Variants in PPM1D observed in about 807,000 individuals in gnomAD.
The protein encoded by PPM1D is protein phosphatase, Mg2+/Mn2+ dependent 1D.
Under a neutral mutation model 58.3 loss-of-function variants are expected in PPM1D, and 52 were observed. The ratio of observed to expected loss-of-function variants is 0.89; its 90% CI spans 0.71 to 1.12. The LOEUF (loss-of-function observed/expected upper bound fraction) is 1.12. PPM1D is among the 50% of genes most tolerant of loss of function. The pLI, the probability that PPM1D is intolerant of heterozygous loss-of-function variation, is 0.00. For missense variants in PPM1D, 564 were observed against 777.2 expected, an observed-to-expected ratio of 0.73 and a Z score of 3.26; for synonymous variants, 278 against 285.1, an observed-to-expected ratio of 0.98 and a Z score of 0.25.
intron 1 of PPM1D, among the ~76,000 whole-genome samples, chr17:60,608,394 G>A (rs1331196089): frequency 1.3e-5 from 2 of 152,154 alleles, no homozygotes; most frequent in African/African-American, 4.8e-5. Flanking sequence ...GGGCATGGTG[G>A]CTCACGCCTG....
At chr17:60,647,655 A>G (rs528165127) in intron 3 of PPM1D, among the ~76,000 whole-genome samples, 1 of 152,322 alleles carries the variant, frequency 6.6e-6, no homozygotes, top group African/African-American at 2.4e-5. Flanking sequence ...TACTTTTAAC[A>G]TTTTACCTTT....
chr17:60,643,118 GCCTGTAAT>G (rs2031169863), intron 3 of PPM1D, among the ~76,000 whole-genome samples: 1 of 151,598 alleles, frequency 6.6e-6, no homozygotes, highest in African/African-American at 2.4e-5. Flanking sequence ...AATCCCAGCA[GCCTGTAAT>G]CCTAGCACTT....
At chr17:60,636,389 G>A (rs1223124743) in intron 3 of PPM1D, among the ~76,000 whole-genome samples, 2 of 152,206 alleles carry the variant, frequency 1.3e-5, no homozygotes, top group Non-Finnish European at 2.9e-5. Context: ...ATTCAGCAGT[G>A]AATGAAACAA....
In PPM1D at chr17:60,600,515, C is replaced by T. The variant is rs1217818543; in HGVS notation, c.101C>T (p.Thr34Met). 3 of 1,565,904 alleles carry T rather than the reference C, an allele frequency of 1.9e-6. No individual in the cohort carries two copies. Among genetic ancestry groups the T allele is most frequent in the Non-Finnish European group, 2.6e-6 (3 of 1,155,574 alleles). The stretch of plus-strand genomic sequence containing the variant: ...CAAATCGTTGTGGAGCCCGAACCGA[C>T]GGCTGAAGAAAAGCCCTCGCCGCGG... ...VTQIVVEPEP[T>M]AEEKPSPRRS... Residue 34 changes from threonine to methionine, a missense_variant, in exon 1 of 6, where the codon ACG (threonine) becomes ATG (methionine). Transcript: ENST00000305921.
intron 1 of PPM1D, among the ~76,000 whole-genome samples, chr17:60,606,487 G>A (rs1396900026): frequency 6.6e-6 from 1 of 152,016 alleles, no homozygotes; most frequent in Non-Finnish European, 1.5e-5. Context: ...TTACACAGCA[G>A]CTGTACCATT....
chr17:60,655,993 G>A (rs956631566), intron 4 of PPM1D, among the ~76,000 whole-genome samples: 6 of 151,900 alleles, frequency 3.9e-5, no homozygotes, highest in Admixed American at 2.0e-4. Context: ...GAGCCATTGC[G>A]TCTGGACAAC....
intron 4 of PPM1D, among the ~76,000 whole-genome samples, chr17:60,654,613 G>C (rs1441426844): frequency 1.3e-5 from 2 of 151,758 alleles, no homozygotes; most frequent in Non-Finnish European, 2.9e-5. Flanking sequence ...TGTAATTCCA[G>C]AACTTTGGGA....
chr17:60,615,064 GTTTTTGCC>G (rs1407846284), intron 1 of PPM1D, among the ~76,000 whole-genome samples: 2 of 152,076 alleles, frequency 1.3e-5, no homozygotes, highest in East Asian at 3.9e-4. Flanking sequence ...CAATTTATTG[GTTTTTGCC>G]TTTATGACAT....
rs113865310 is a variant in PPM1D, at chr17:60,654,232, C to T, written c.1018-2367C>T. Among the ~76,000 whole-genome samples, 422 of 148,592 alleles carry T rather than the reference C, an allele frequency of 2.8e-3. 1 individual carries two copies. Among genetic ancestry groups the T allele is most frequent in the African/African-American group, 9.8e-3 (398 of 40,686 alleles). ...TGGGTTTTTATCATAAAGTGATGTT[C>T]AATTTTACGAAATGCTTTTTCAGTG... On this transcript the variant is annotated intron_variant, in intron 4 of 5. Transcript: ENST00000305921.
chr17:60,600,640 C>G lies in PPM1D; in HGVS notation c.226C>G (p.Arg76Gly). The G allele has an allele frequency of 6.4e-7, 1 of 1,555,264 alleles. No individual in the cohort carries two copies. The highest frequency in any genetic ancestry group is 1.4e-5 in the African/African-American group (1 of 72,760). ...CCCAGCGGTGGCAGCCCGAGAGGCT[C>G]GCGACCCTCTCCCGGACGCCGGGGC... ...KGPAVAAREA[R>G]DPLPDAGASP... Residue 76 changes from arginine to glycine, a missense_variant, in exon 1 of 6, where the codon CGC becomes GGC. Around this residue, in one of 7 missense-constraint regions of PPM1D, gnomAD observed 132 missense variants for 150.4 expected, o/e 0.88. Coordinates refer to ENST00000305921, the MANE Select transcript of PPM1D (RefSeq NM_003620.4).
intron 3 of PPM1D, 110 bp from the exon 4 acceptor site, chr17:60,647,782 T>C: frequency 9.2e-7 from 1 of 1,087,230 alleles, no homozygotes; most frequent in Non-Finnish European, 1.3e-6. Flanking sequence ...TATCAAATGC[T>C]TTTCTGCGTC....
intron 1 of PPM1D, among the ~76,000 whole-genome samples, chr17:60,605,573 C>T (rs1211090211): frequency 2.0e-5 from 3 of 152,178 alleles, no homozygotes; most frequent in African/African-American, 7.2e-5. Flanking sequence ...TAAAATTTCT[C>T]CTTTTAAAAA....
intron 3 of PPM1D, among the ~76,000 whole-genome samples, chr17:60,636,700 T>C (rs754118646): frequency 2.6e-5 from 4 of 151,590 alleles, no homozygotes; most frequent in Non-Finnish European, 2.9e-5. Flanking sequence ...TGAATTTTTC[T>C]CTTTTTTTTT....
rs533978423 is a variant in PPM1D, at chr17:60,664,433, T to TTATA, written c.*883_*886dup. The TTATA allele has an allele frequency of 5.0e-4, 76 of 152,788 alleles. No individual in the cohort carries two copies. Among genetic ancestry groups the TTATA allele is most frequent in the African/African-American group, 1.5e-3 (61 of 41,588 alleles). The allele number at this position is 152,788 out of a possible 1,614,324, so 9.5% of individuals were successfully genotyped here. Reference sequence around the variant, plus strand: ...TTTTATATCATACAGTTTTCATTGATTATATGGGTATATATTCATCTAATA... The same window carrying TTATA: ...TTTTATATCATACAGTTTTCATTGATTATATATATGGGTATATATTCATCTAATA... On this transcript the variant is annotated 3_prime_UTR_variant, in exon 6 of 6. Coordinates refer to ENST00000305921, the MANE Select transcript of PPM1D (RefSeq NM_003620.4).
At chr17:60,634,978 CTG>C (rs1440483089) in intron 3 of PPM1D, among the ~76,000 whole-genome samples, 4 of 151,940 alleles carry the variant, frequency 2.6e-5, no homozygotes, top group African/African-American at 9.7e-5. Context: ...CGGGGTCTCA[CTG>C]TGTTGCCCGG....
At chr17:60,601,115 C>T (rs1465797837) in intron 1 of PPM1D, among the ~76,000 whole-genome samples, 1 of 152,218 alleles carries the variant, frequency 6.6e-6, no homozygotes, top group African/African-American at 2.4e-5. Context: ...GCTTTATTTC[C>T]ATCCTCCAAG....
In PPM1D at chr17:60,656,665, A is replaced by G. The variant is rs1361336223; in HGVS notation, c.1084A>G (p.Met362Val). ...AGCATTGGGCCGCTGGAGGCAGCGT[A>G]TGCTCCGAGCAGATAACACTAGTGC... is the stretch of plus-strand genomic sequence containing the variant. ...NRALGRWRQR[M>V]LRADNTSAIV... The change falls in exon 5 of 6, where the codon ATG becomes GTG. Residue 362 changes from methionine (M) to valine (V), a missense_variant. Met to Val is a conservative substitution (Grantham distance 21, BLOSUM62 1). Around this residue, in one of 7 missense-constraint regions of PPM1D, gnomAD observed 18 missense variants for 43.9 expected, o/e 0.41. Coordinates refer to ENST00000305921, the MANE Select transcript of PPM1D (RefSeq NM_003620.4). 6.2e-7 allele frequency: 1 copy of G among 1,614,212 alleles called. No individual in the cohort carries two copies. Among genetic ancestry groups the G allele is most frequent in the Admixed American group, 1.7e-5 (1 of 60,006 alleles).
chr17:60,656,235 C>T (rs554477696), intron 4 of PPM1D, among the ~76,000 whole-genome samples: 1 of 148,506 alleles, frequency 6.7e-6, no homozygotes, highest in African/African-American at 2.5e-5. Context: ...GCGTGTGGAT[C>T]GAGGTCAGGA....
Position 60,650,488 on chromosome 17 carries a change from T to C in PPM1D, c.1017+2406T>C, listed in dbSNP as rs140933183. ...ATTGCTTGAACCCAGGAGGCAGAGGTTGCAGTGAGCTGAGATCGTGCCACT... is the reference window on the plus strand; with the variant it reads ...ATTGCTTGAACCCAGGAGGCAGAGGCTGCAGTGAGCTGAGATCGTGCCACT... On this transcript the variant is annotated intron_variant, in intron 4 of 5. Transcript: ENST00000305921. Among the ~76,000 whole-genome samples the C allele has an allele frequency of 1.5e-3, 230 of 152,060 alleles. 3 individuals are homozygous for C. The East Asian group carries it at 0.033, about 22-fold the overall frequency.
Sources: allele counts gnomAD v4.1 joint callset (sites outside exome capture counted in the v4.1 genomes callset), GRCh38; gene constraint gnomAD v4.1.1; regional missense constraint gnomAD v4.1.1; transcripts MANE v1.5; gene names NCBI Gene and HGNC (gene_info 2026-07-23, HGNC 2026-07-21).